The following LRBA variants were observed in gnomAD, a reference collection of about 807,000 sequenced individuals.
LRBA encodes LPS responsive beige-like anchor protein.
LRBA carries 176 observed loss-of-function variants against 330.0 expected under a neutral mutation model. The ratio of observed to expected loss-of-function variants is 0.53; its 90% CI spans 0.47 to 0.60. The LOEUF (loss-of-function observed/expected upper bound fraction) is 0.60. Among genes scored for constraint, LRBA ranks in the 20% least tolerant of loss-of-function variants. The pLI is 0.00. For missense variants in LRBA, 3,259 were observed against 3,444.8 expected (o/e 0.95, Z 1.35); for synonymous variants, 1,230 against 1,193.0 (o/e 1.03, Z -0.64).
chr4:150,339,564 T>C (rs539517162), intron 48 of LRBA, among the ~76,000 whole-genome samples: 11 of 152,240 alleles, frequency 7.2e-5, no homozygotes, highest in African/African-American at 2.4e-4. Context: ...TTTTAGAATA[T>C]AGAAAGAGGC....
In LRBA at chr4:150,921,212, C is replaced by T; in HGVS notation, c.631G>A (p.Gly211Arg). Residue 211 changes from glycine (G) to arginine (R), a missense_variant, in exon 5 of 57, where the codon GGA becomes AGA. Transcript: ENST00000651943. The stretch of plus-strand genomic sequence containing the variant: ...TATTTACTTACTGCAGCACTCTTTC[C>T]TGGAAAGTTAAAAAAGGCATCAGGA... ...YGPDAFFNFP[G>R]KSAAAIALPP... The T allele has an allele frequency of 6.2e-7, 1 of 1,609,594 alleles. No individual in the cohort carries two copies. The highest frequency in any genetic ancestry group is 8.5e-7 in the Non-Finnish European group (1 of 1,176,042).
At chr4:150,866,816 C>T (rs1752757639) in intron 22 of LRBA, among the ~76,000 whole-genome samples, 1 of 151,974 alleles carries the variant, frequency 6.6e-6, no homozygotes, top group East Asian at 1.9e-4. Context: ...GTAATAAGCA[C>T]AAACAGTAAT....
intron 2 of LRBA, among the ~76,000 whole-genome samples, chr4:151,001,812 A>G (rs936322502): frequency 7.9e-5 from 12 of 152,130 alleles, no homozygotes; most frequent in Admixed American, 3.9e-4. Flanking sequence ...ACCCACTGAT[A>G]CTGGTGCCAG....
At chr4:151,012,006 G>C (rs1744910158) in intron 2 of LRBA, among the ~76,000 whole-genome samples, 1 of 152,082 alleles carries the variant, frequency 6.6e-6, no homozygotes, top group Admixed American at 6.6e-5. Context: ...CAAAACCCCA[G>C]ATAATCCATG....
chr4:150,552,085 T>G (rs371106548), intron 40 of LRBA, among the ~76,000 whole-genome samples: 1 of 152,048 alleles, frequency 6.6e-6, no homozygotes, highest in Non-Finnish European at 1.5e-5. Context: ...CGCACCCCTA[T>G]GAAAATCTAA....
chr4:150,622,848 C>A (rs1046497282), intron 37 of LRBA, among the ~76,000 whole-genome samples: 1 of 152,098 alleles, frequency 6.6e-6, no homozygotes, highest in Non-Finnish European at 1.5e-5. Flanking sequence ...CAGGCGCCCG[C>A]CACCGCGCCC....
At chr4:150,845,310 G>C (rs566929043) in intron 26 of LRBA, among the ~76,000 whole-genome samples, 1 of 152,218 alleles carries the variant, frequency 6.6e-6, no homozygotes, top group South Asian at 2.1e-4. Context: ...AGAGGATATA[G>C]CTTTTGAAAG....
At chr4:150,794,402 T>TA (rs1269509551) in intron 34 of LRBA, among the ~76,000 whole-genome samples, 2 of 151,234 alleles carry the variant, frequency 1.3e-5, no homozygotes. Flanking sequence ...TCAGAAAAAA[T>TA]AAACTCAAAA....
intron 47 of LRBA, among the ~76,000 whole-genome samples, chr4:150,408,255 T>C (rs1746475400): frequency 6.6e-6 from 1 of 152,050 alleles, no homozygotes; most frequent in Non-Finnish European, 1.5e-5. Context: ...TAATAAGTCA[T>C]ACTATGAACA....
intron 22 of LRBA, among the ~76,000 whole-genome samples, chr4:150,855,107 C>T (rs776979261): frequency 7.2e-5 from 11 of 152,050 alleles, no homozygotes; most frequent in Non-Finnish European, 1.5e-4. Flanking sequence ...AAAACACAAA[C>T]ATTAGCTGGG....
intron 1 of LRBA, 21 bp from the exon 2 acceptor site, chr4:151,014,882 T>C: frequency 2.1e-6 from 1 of 478,888 alleles, no homozygotes; most frequent in Non-Finnish European, 3.7e-6. Context: ...ATTAAATATA[T>C]GTTAAATAGG....
intron 37 of LRBA, among the ~76,000 whole-genome samples, chr4:150,683,294 G>A (rs1192419321): frequency 6.6e-6 from 1 of 151,988 alleles, no homozygotes; most frequent in African/African-American, 2.4e-5. Flanking sequence ...TATGATTTTG[G>A]AAGTAGTTGA....
In LRBA at chr4:150,848,765, G is replaced by C. The variant is rs72961868; in HGVS notation, c.4339+53C>G. ...ACGGATAATTTTCAATGTCATCTCT[G>C]AATTACTGAAAAATTTTTTTTAGTA... On this transcript the variant is annotated intron_variant, in intron 26 of 56. Transcript: ENST00000651943. The C allele has an allele frequency of 5.8e-3, 7,980 of 1,367,592 alleles. 255 individuals are homozygous for C. The African/African-American group carries it at 0.084, about 14-fold the overall frequency. The allele number at this position is 1,367,592 out of a possible 1,614,324, so 84.7% of individuals were successfully genotyped here. A position where few individuals can be genotyped will look rare whatever the true frequency, so the allele number is the denominator to read the frequency against.
Position 151,014,834 on chromosome 4 carries a change from T to C in LRBA, c.-192A>G, listed in dbSNP as rs1001773811. 1.4e-5 allele frequency: 8 copies of C among 560,698 alleles called. No homozygotes were observed. Among genetic ancestry groups the C allele is most frequent in the Non-Finnish European group, 2.5e-5 (8 of 315,410 alleles). The allele number at this position is 560,698 out of a possible 1,614,324, so 34.7% of individuals were successfully genotyped here. A position where few individuals can be genotyped will look rare whatever the true frequency, so the allele number is the denominator to read the frequency against. Reference sequence around the variant, plus strand: ...TTGGAGAATATTTGTCCAATCTCTCTCCCCGAGGCTGACAACAACGCCAAA... The same window carrying C: ...TTGGAGAATATTTGTCCAATCTCTCCCCCCGAGGCTGACAACAACGCCAAA... On this transcript the variant is annotated 5_prime_UTR_variant, in exon 2 of 57. Transcript: ENST00000651943.
At chr4:150,443,402 C>T (rs533811025) in intron 44 of LRBA, among the ~76,000 whole-genome samples, 7 of 152,200 alleles carry the variant, frequency 4.6e-5, no homozygotes, top group Middle Eastern at 3.4e-3. Flanking sequence ...TGCACACATA[C>T]ATTTACTGCG....
chr4:150,753,550 T>A (rs769805396), intron 35 of LRBA, among the ~76,000 whole-genome samples: 11 of 152,156 alleles, frequency 7.2e-5, no homozygotes, highest in African/African-American at 2.4e-4. Flanking sequence ...CTATGAAACA[T>A]CTATACAAAC....
At chr4:150,380,427 A>C (rs758420071) in intron 47 of LRBA, among the ~76,000 whole-genome samples, 6 of 152,046 alleles carry the variant, frequency 3.9e-5, no homozygotes, top group Non-Finnish European at 5.9e-5. Context: ...TTTGAACCCC[A>C]CCTACATCAG....
chr4:150,734,426 G>C (rs1309191171), intron 36 of LRBA, among the ~76,000 whole-genome samples: 1 of 151,824 alleles, frequency 6.6e-6, no homozygotes, highest in Non-Finnish European at 1.5e-5. Context: ...TATTTTTCTA[G>C]AATAATTTTC....
At chr4:151,009,926 G>A (rs1744616224) in intron 2 of LRBA, among the ~76,000 whole-genome samples, 2 of 152,000 alleles carry the variant, frequency 1.3e-5, no homozygotes, top group South Asian at 4.1e-4. Flanking sequence ...CTTGCAGTGA[G>A]CCGAGATCGC....
Sources: allele counts gnomAD v4.1 joint callset (sites outside exome capture counted in the v4.1 genomes callset), GRCh38; gene constraint gnomAD v4.1.1; transcripts MANE v1.5; gene names NCBI Gene and HGNC (gene_info 2026-07-23, HGNC 2026-07-21).